Variants in KIAA1549 observed in about 807,000 individuals in gnomAD.
The protein encoded by KIAA1549 is UPF0606 protein KIAA1549.
In KIAA1549, 70 loss-of-function variants were observed where a neutral mutation model predicts 156.4. The observed-to-expected ratio is 0.45, with a 90% confidence interval of 0.37 to 0.55. KIAA1549 has a LOEUF of 0.55. Ranked by LOEUF, KIAA1549 falls within the 20% of genes least tolerant of loss-of-function variation. The pLI is 0.00. For synonymous variants in KIAA1549, 1,103 were observed against 1,066.4 expected (o/e 1.03, Z -0.67); for missense variants, 2,428 against 2,540.9 (o/e 0.96, Z 0.96).
intron 7 of KIAA1549, 122 bp downstream of exon 7, chr7:138,904,900 C>G: frequency 1.6e-6 from 1 of 622,304 alleles, no homozygotes; most frequent in South Asian, 2.1e-5. Context: ...CATTCTTTGC[C>G]AAGAATGTAA....
At chr7:138,932,747 T>C (rs1298684007) in intron 1 of KIAA1549, among the ~76,000 whole-genome samples, 1 of 152,016 alleles carries the variant, frequency 6.6e-6, no homozygotes, top group Admixed American at 6.6e-5. Flanking sequence ...CGGGAGTGTT[T>C]TGGAAATGCA....
At chr7:138,967,514 A>G (rs1433675795) in intron 1 of KIAA1549, among the ~76,000 whole-genome samples, 3 of 152,110 alleles carry the variant, frequency 2.0e-5, no homozygotes, top group Non-Finnish European at 4.4e-5. Context: ...CAATAAAGAT[A>G]TTGTACTCTC....
intron 1 of KIAA1549, among the ~76,000 whole-genome samples, chr7:138,944,722 T>C (rs1429264642): frequency 6.6e-6 from 1 of 151,052 alleles, no homozygotes; most frequent in Non-Finnish European, 1.5e-5. Flanking sequence ...CAGAAAGGAA[T>C]GGAAGACCAC....
At chr7:138,933,277 G>T (rs1296303998) in intron 1 of KIAA1549, among the ~76,000 whole-genome samples, 2 of 152,208 alleles carry the variant, frequency 1.3e-5, no homozygotes, top group African/African-American at 4.8e-5. Context: ...GGTTAAAGAC[G>T]CAAGTTTCTA....
At chr7:138,960,873 G>A (rs1813825783) in intron 1 of KIAA1549, among the ~76,000 whole-genome samples, 1 of 152,208 alleles carries the variant, frequency 6.6e-6, no homozygotes, top group African/African-American at 2.4e-5. Flanking sequence ...ATGAAGCAAA[G>A]TCTCCAGGAA....
At chr7:138,853,494 A>AG (rs1584704210) in intron 16 of KIAA1549, among the ~76,000 whole-genome samples, 1 of 152,230 alleles carries the variant, frequency 6.6e-6, no homozygotes, top group Non-Finnish European at 1.5e-5. Context: ...CTATTTTGTG[A>AG]GGGGAAAAAG....
At position 138,953,499 on chromosome 7, in the gene KIAA1549, T is replaced by C. The variant is rs117260155; in HGVS notation, c.187+27584A>G. On this transcript the variant is annotated intron_variant, in intron 1 of 19. Coordinates refer to ENST00000422774, the MANE Select transcript of KIAA1549 (RefSeq NM_001164665.2). Reference sequence around the variant, plus strand: ...TTTAAGAAGGGTCATCCCTCCTATATAAAACACTGCCAGAAAAATAGTACA... The same window carrying C: ...TTTAAGAAGGGTCATCCCTCCTATACAAAACACTGCCAGAAAAATAGTACA... 5.5e-3 allele frequency among the ~76,000 whole-genome samples: 830 copies of C among 152,076 alleles called. 1 individual carries two copies. The highest frequency in any genetic ancestry group is 7.3e-3 in the Non-Finnish European group (493 of 67,994).
chr7:138,853,623 G>A (rs546376130), intron 16 of KIAA1549, among the ~76,000 whole-genome samples: 5 of 152,150 alleles, frequency 3.3e-5, no homozygotes, highest in Admixed American at 6.5e-5. Flanking sequence ...ATATGAAACC[G>A]TGGTCAGATT....
At chr7:138,935,994 T>C (rs576424628) in intron 1 of KIAA1549, among the ~76,000 whole-genome samples, 1 of 152,310 alleles carries the variant, frequency 6.6e-6, no homozygotes, top group East Asian at 1.9e-4. Context: ...GAATAGGATA[T>C]TTTGAGCAGA....
chr7:138,892,749 G>T (rs1297917059), intron 10 of KIAA1549, among the ~76,000 whole-genome samples: 1 of 152,078 alleles, frequency 6.6e-6, no homozygotes, highest in East Asian at 1.9e-4. Context: ...AAATTTTAAA[G>T]TAATGCATAT....
chr7:138,920,166 C>A (rs1215602145), intron 1 of KIAA1549, among the ~76,000 whole-genome samples: 1 of 145,856 alleles, frequency 6.9e-6, no homozygotes, highest in Non-Finnish European at 1.5e-5. Context: ...GCCTGGAATG[C>A]CCTTCCCAGC....
chr7:138,903,864 C>CAT (rs1554418679), intron 7 of KIAA1549, 128 bp from the exon 8 acceptor site: 17 of 627,696 alleles, frequency 2.7e-5, no homozygotes, highest in African/African-American at 4.2e-5. Flanking sequence ...CGCGCGCGCG[C>CAT]GCGCGCACAT....
Position 138,917,719 on chromosome 7 carries a change from C to T in KIAA1549, c.1907G>A (p.Gly636Asp), listed in dbSNP as rs1255883365. The T allele has an allele frequency of 6.3e-6, 10 of 1,596,760 alleles. No individual in the cohort carries two copies. The East Asian group carries it at 6.8e-5, about 11-fold the overall frequency. ...FFSTPPLELS[G>D]SISSPSEAPA... The stretch of plus-strand genomic sequence containing the variant: ...TGCTTCCGAAGGCGAAGAGATGGAG[C>T]CGCTGAGTTCCAGCGGGGGTGTTGA... Residue 636 changes from glycine to aspartate, a missense_variant, in exon 2 of 20, where the codon GGC (glycine) becomes GAC (aspartate). Around this residue, in one of 5 missense-constraint regions of KIAA1549, gnomAD observed 893 missense variants for 847.9 expected, o/e 1.05. Transcript: ENST00000422774.
At chr7:138,847,256 C>G (rs1325084810) in intron 17 of KIAA1549, among the ~76,000 whole-genome samples, 1 of 152,152 alleles carries the variant, frequency 6.6e-6, no homozygotes, top group Non-Finnish European at 1.5e-5. Flanking sequence ...AGGGTAAAAG[C>G]TATTAATAAT....
chr7:138,898,115 G>A (rs112666964), intron 9 of KIAA1549, among the ~76,000 whole-genome samples: 8,526 of 150,936 alleles, frequency 0.056, 283 homozygotes, highest in African/African-American at 0.072. Flanking sequence ...GAGACCATCC[G>A]GGCCAACATG....
chr7:138,928,073 A>G (rs2130499958), intron 1 of KIAA1549, among the ~76,000 whole-genome samples: 1 of 151,632 alleles, frequency 6.6e-6, no homozygotes, highest in South Asian at 2.1e-4. Context: ...GGTGCCCACC[A>G]CCACGCCCAG....
chr7:138,930,677 C>T (rs1026697602), intron 1 of KIAA1549, among the ~76,000 whole-genome samples: 1 of 152,242 alleles, frequency 6.6e-6, no homozygotes, highest in Non-Finnish European at 1.5e-5. Flanking sequence ...TAGAGCCTTG[C>T]TCTGGATTAG....
At chr7:138,956,682 A>T (rs2130548775) in intron 1 of KIAA1549, among the ~76,000 whole-genome samples, 1 of 152,310 alleles carries the variant, frequency 6.6e-6, no homozygotes, top group African/African-American at 2.4e-5. Context: ...CTGTGAGTCC[A>T]TTAAACCTCT....
At chr7:138,955,680 A>G (rs56228664) in intron 1 of KIAA1549, among the ~76,000 whole-genome samples, 5 of 152,360 alleles carry the variant, frequency 3.3e-5, no homozygotes, top group Admixed American at 6.5e-5. Context: ...TCTCATATAC[A>G]TATTTTGAAA....
Sources: gnomAD v4.1 joint callset for allele counts (sites outside exome capture counted in the v4.1 genomes callset) on GRCh38, gnomAD v4.1.1 for gene constraint, gnomAD v4.1.1 regional missense constraint, MANE v1.5 for transcripts, NCBI Gene and HGNC (gene_info 2026-07-23, HGNC 2026-07-21) for gene names.